The following ZNF679 variants were observed in gnomAD, a reference collection of about 807,000 sequenced individuals.
ZNF679 encodes the protein hypothetical protein MGC42415.
Under a neutral mutation model 13.4 loss-of-function variants are expected in ZNF679, and 10 were observed. The observed-to-expected ratio is 0.75, with a 90% CI of 0.46 to 1.27. ZNF679 has a LOEUF of 1.27. ZNF679 is among the 50% of genes most tolerant of loss of function. The pLI, the probability that ZNF679 is intolerant of heterozygous loss-of-function variation, is 0.00. For synonymous variants in ZNF679, 179 were observed against 162.5 expected (o/e 1.10, Z -0.77); for missense variants, 525 against 477.8 (o/e 1.10, Z -0.92).
chr7:64,236,975 A>AAGAAAGAAAAAGAAAG (rs201487010), intron 1 of ZNF679, among the ~76,000 whole-genome samples: 1 of 16,264 alleles, frequency 6.1e-5, no homozygotes. Context: ...GAAAGAAAGA[A>AAGAAAGAAAAAGAAAG]AAAGAAAGAA....
chr7:64,260,897 T>C lies in ZNF679; in HGVS notation c.230T>C (p.Ile77Thr), dbSNP rs4143586. 1.2e-6 allele frequency: 2 copies of C among 1,612,336 alleles called. No individual in the cohort carries two copies. The highest frequency in any genetic ancestry group is 1.3e-5 in the African/African-American group (1 of 74,758). The stretch of plus-strand genomic sequence containing the variant: ...GAGCAAAATAAAGAGCCTTGGAATA[T>C]AAAGAGAAATGAGATGGTAACCAAA... ...CLEQNKEPWN[I>T]KRNEMVTKHP... The change falls in exon 4 of 5, where the codon ATA becomes ACA. Residue 77 changes from isoleucine (I) to threonine (T), a missense_variant. Coordinates refer to ENST00000421025, the MANE Select transcript of ZNF679 (RefSeq NM_153363.3).
intron 2 of ZNF679, among the ~76,000 whole-genome samples, chr7:64,251,278 C>T (rs1787941215): frequency 6.6e-6 from 1 of 151,786 alleles, no homozygotes; most frequent in African/African-American, 2.4e-5. Flanking sequence ...ATGATGAAAC[C>T]CCATCTCTAC....
chr7:64,256,909 G>T (rs986126328), intron 2 of ZNF679, among the ~76,000 whole-genome samples: 1 of 152,056 alleles, frequency 6.6e-6, no homozygotes, highest in Admixed American at 6.6e-5. Flanking sequence ...TGTTAGCCAG[G>T]CTGGTCTTGA....
chr7:64,231,841 C>T (rs1253337595), intron 1 of ZNF679, among the ~76,000 whole-genome samples: 1 of 152,172 alleles, frequency 6.6e-6, no homozygotes, highest in Non-Finnish European at 1.5e-5. Context: ...CAGTCAGGTG[C>T]TAGGCAAAGG....
chr7:64,230,739 C>A (rs1190494340), intron 1 of ZNF679, among the ~76,000 whole-genome samples: 1 of 152,118 alleles, frequency 6.6e-6, no homozygotes, highest in East Asian at 1.9e-4. Flanking sequence ...ACATTGGTCC[C>A]AACACCAGGT....
At chr7:64,233,189 G>C (rs995720740) in intron 1 of ZNF679, among the ~76,000 whole-genome samples, 2 of 149,776 alleles carry the variant, frequency 1.3e-5, no homozygotes, top group Non-Finnish European at 3.0e-5. Flanking sequence ...GGTGAGCCAA[G>C]ATCGCCCCAC....
chr7:64,260,254 TTC>T lies in ZNF679; in HGVS notation c.79_80del (p.Leu27GlyfsTer15). On this transcript the variant is annotated frameshift_variant, in exon 3 of 5. Transcript: ENST00000421025. LOFTEE classifies it high-confidence loss of function. ...GACATTCAGAGATGTAGTCATAGAA[TTC>T]TCTCTGGAGGAGTGGCAATGCCTGG... The part of the protein sequence containing the change: ...LLTFRDVVIE[F>X]SLEEWQCLDH... The T allele has an allele frequency of 1.2e-6, 2 of 1,610,032 alleles. No individual in the cohort carries two copies. Among genetic ancestry groups the T allele is most frequent in the Non-Finnish European group, 1.7e-6 (2 of 1,179,036 alleles).
chr7:64,253,483 C>G (rs1787967394), intron 2 of ZNF679, among the ~76,000 whole-genome samples: 1 of 152,092 alleles, frequency 6.6e-6, no homozygotes, highest in Non-Finnish European at 1.5e-5. Flanking sequence ...AAGCTGGGGA[C>G]CCACAGGCAG....
intron 1 of ZNF679, among the ~76,000 whole-genome samples, chr7:64,248,058 T>A (rs957108448): frequency 7.2e-5 from 11 of 152,136 alleles, no homozygotes; most frequent in Middle Eastern, 6.8e-3. Context: ...TAATTCTACA[T>A]GGCTGAGGAA....
chr7:64,236,914 GA>G (rs1455205722), intron 1 of ZNF679, among the ~76,000 whole-genome samples: 5 of 110,708 alleles, frequency 4.5e-5, no homozygotes, highest in East Asian at 5.3e-4. Context: ...AAAAAAGAAA[GA>G]AAGAAAGAAG....
rs1249093777 is a variant in ZNF679 at position 64,266,004 on chromosome 7, A to G, written c.371A>G (p.Gln124Arg). ...GGAAAAAGTGGACATGACAATTTAC[A>G]AGTAAAAACATGTAAAAGCATGGGT... ...RYGKSGHDNL[Q>R]VKTCKSMGEC... The change falls in exon 5 of 5, where the codon CAA becomes CGA. Residue 124 changes from glutamine to arginine, a missense_variant. Gln to Arg is a conservative substitution (Grantham distance 43). Transcript: ENST00000421025. 1 of 1,613,732 alleles carries G rather than the reference A, an allele frequency of 6.2e-7. No homozygotes were observed. Among genetic ancestry groups the G allele is most frequent in the Non-Finnish European group, 8.5e-7 (1 of 1,179,812 alleles).
At chr7:64,237,725 C>T (rs1397171474) in intron 1 of ZNF679, among the ~76,000 whole-genome samples, 1 of 152,170 alleles carries the variant, frequency 6.6e-6, no homozygotes, top group African/African-American at 2.4e-5. Context: ...ACACCAGTGA[C>T]GGGCACCATG....
intron 1 of ZNF679, among the ~76,000 whole-genome samples, chr7:64,239,472 TA>T (rs1787766310): frequency 6.6e-6 from 1 of 152,200 alleles, no homozygotes; most frequent in African/African-American, 2.4e-5. Flanking sequence ...CACTTCTACC[TA>T]GAACCTTAGT....
chr7:64,255,438 T>C (rs182536041), intron 2 of ZNF679, among the ~76,000 whole-genome samples: 271 of 152,226 alleles, frequency 1.8e-3, no homozygotes, highest in African/African-American at 6.0e-3. Context: ...AGACACTGAA[T>C]CTGCAGTAGC....
At chr7:64,253,588 A>C (rs1209830964) in intron 2 of ZNF679, among the ~76,000 whole-genome samples, 1 of 152,236 alleles carries the variant, frequency 6.6e-6, no homozygotes, top group Non-Finnish European at 1.5e-5. Context: ...TTGTAAAATA[A>C]AACAAAATCA....
At chr7:64,231,861 C>A (rs1787644196) in intron 1 of ZNF679, among the ~76,000 whole-genome samples, 1 of 152,208 alleles carries the variant, frequency 6.6e-6, no homozygotes, top group Non-Finnish European at 1.5e-5. Context: ...GTAGATGTCA[C>A]AATCGCACTT....
intron 4 of ZNF679, among the ~76,000 whole-genome samples, chr7:64,263,140 C>G (rs1788100786): frequency 6.6e-6 from 1 of 152,096 alleles, no homozygotes; most frequent in Non-Finnish European, 1.5e-5. Flanking sequence ...TGCCCAGACT[C>G]TAGTGCAGTA....
Position 64,260,315 on chromosome 7 carries a change from T to A in ZNF679, c.134T>A (p.Met45Lys). 6.2e-7 allele frequency: 1 copy of A among 1,612,240 alleles called. No individual in the cohort carries two copies. Among genetic ancestry groups the A allele is most frequent in the Non-Finnish European group, 8.5e-7 (1 of 1,179,472 alleles). The change falls in exon 3 of 5, where the codon ATG becomes AAG. Residue 45 changes from methionine to lysine, a missense_variant. Transcript: ENST00000421025. ...CAGCAGAATTTATATAGAGATGTGA[T>A]GTTAGAGAACTACAGAAACCTGGTC... ...HAQQNLYRDV[M>K]LENYRNLVSL...
At chr7:64,239,712 A>G (rs1331140231) in intron 1 of ZNF679, among the ~76,000 whole-genome samples, 4 of 152,062 alleles carry the variant, frequency 2.6e-5, no homozygotes, top group African/African-American at 7.2e-5. Context: ...TGACTGTCCT[A>G]TCTTATTTGT....
Sources: allele counts gnomAD v4.1 joint callset (sites outside exome capture counted in the v4.1 genomes callset), GRCh38; gene constraint gnomAD v4.1.1; transcripts MANE v1.5; gene names NCBI Gene and HGNC (gene_info 2026-07-23, HGNC 2026-07-21).